The following UGGT1 variants were observed in gnomAD, a reference collection of about 807,000 sequenced individuals.
UGGT1 encodes the protein UDP-glucose:glycoprotein glucosyltransferase 1.
In UGGT1, 107 loss-of-function variants were observed where a neutral mutation model predicts 203.9. That is an observed-to-expected ratio of 0.52 (90% confidence interval 0.45 to 0.62). UGGT1 has a LOEUF of 0.62. Ranked by LOEUF, UGGT1 falls within the 20% of genes least tolerant of loss-of-function variation. UGGT1 has a pLI of 0.00. For synonymous variants in UGGT1, 628 were observed against 653.5 expected (o/e 0.96, Z 0.59); for missense variants, 1,673 against 1,867.2 (o/e 0.90, Z 1.92).
At chr2:128,112,864 T>G (rs1477172547) in intron 5 of UGGT1, among the ~76,000 whole-genome samples, 1 of 152,140 alleles carries the variant, frequency 6.6e-6, no homozygotes, top group Non-Finnish European at 1.5e-5. Flanking sequence ...ATAGTTAGTA[T>G]TTTTTATAAT....
chr2:128,183,604 A>G (rs1004575655), intron 37 of UGGT1, 71 bp from the exon 38 acceptor site: 4 of 1,148,620 alleles, frequency 3.5e-6, no homozygotes, highest in Admixed American at 1.9e-5. Flanking sequence ...GGCCTGTTCC[A>G]TTATTCATTG....
intron 18 of UGGT1, among the ~76,000 whole-genome samples, chr2:128,149,940 C>T (rs1384592252): frequency 3.9e-5 from 6 of 152,168 alleles, no homozygotes; most frequent in South Asian, 2.1e-4. Context: ...CCAGCCTGGG[C>T]GACAAGAGTG....
At chr2:128,121,550 C>G (rs921791850) in intron 10 of UGGT1, among the ~76,000 whole-genome samples, 2 of 151,942 alleles carry the variant, frequency 1.3e-5, no homozygotes, top group African/African-American at 2.4e-5. Flanking sequence ...GTACTACAGA[C>G]GTGCGTCACC....
intron 1 of UGGT1, among the ~76,000 whole-genome samples, chr2:128,094,736 C>CTTTTTTTTTTTTT (rs70988604): frequency 2.4e-5 from 2 of 84,636 alleles, no homozygotes; most frequent in African/African-American, 5.7e-5. Context: ...TAAGAGAATG[C>CTTTTTTTTTTTTT]TTTTTTTTTT....
At chr2:128,123,699 A>C (rs1036936577) in intron 11 of UGGT1, among the ~76,000 whole-genome samples, 3 of 152,044 alleles carry the variant, frequency 2.0e-5, no homozygotes, top group Non-Finnish European at 4.4e-5. Context: ...CCATCTTCTC[A>C]ATATTGGATG....
intron 37 of UGGT1, among the ~76,000 whole-genome samples, chr2:128,183,299 T>C (rs1691801900): frequency 6.6e-6 from 1 of 152,224 alleles, no homozygotes; most frequent in African/African-American, 2.4e-5. Flanking sequence ...AAAAGAACTG[T>C]AAGGACTGTA....
intron 18 of UGGT1, 85 bp downstream of exon 18, chr2:128,146,052 T>G: frequency 6.6e-7 from 1 of 1,521,972 alleles, no homozygotes; most frequent in South Asian, 1.2e-5. Flanking sequence ...GTAAAATTCT[T>G]AGTATCACTA....
At chr2:128,171,392 A>G (rs1045243748) in intron 28 of UGGT1, 108 bp downstream of exon 28, 1 of 1,032,824 alleles carries the variant, frequency 9.7e-7, no homozygotes, top group Admixed American at 2.8e-5. Context: ...TCATGTTTGA[A>G]ATGGTCATTT....
At chr2:128,108,206 A>G (rs1029306087) in intron 4 of UGGT1, 138 bp downstream of exon 4, 1 of 1,144,034 alleles carries the variant, frequency 8.7e-7, no homozygotes, top group East Asian at 2.5e-5. Context: ...ATGATTTTTA[A>G]AAAAAATAAT....
chr2:128,174,942 G>A lies in UGGT1; in HGVS notation c.3539+84G>A, dbSNP rs192342276. On this transcript the variant is annotated intron_variant, in intron 31 of 40. Coordinates refer to ENST00000259253, the MANE Select transcript of UGGT1 (RefSeq NM_020120.4). The stretch of plus-strand genomic sequence containing the variant: ...TAATTGAATACTACCCTGGCAGTTA[G>A]CCAGGCAACATGAATTTAATTTGCA... The A allele has an allele frequency of 3.4e-6, 4 of 1,174,134 alleles. No homozygotes were observed. In the East Asian group the frequency reaches 9.8e-5, roughly 29 times the overall value. 72.7% of individuals were successfully genotyped at this position (1,174,134 alleles called of 1,614,324 possible). A position where few individuals can be genotyped will look rare whatever the true frequency, so the allele number is the denominator to read the frequency against.
intron 16 of UGGT1, among the ~76,000 whole-genome samples, chr2:128,141,144 T>G (rs1689403080): frequency 6.6e-6 from 1 of 151,214 alleles, no homozygotes. Context: ...GCCAACATGG[T>G]GAAACCCCGT....
chr2:128,170,331 G>A lies in UGGT1; in HGVS notation c.2965G>A (p.Val989Ile), dbSNP rs143954343. 9.3e-5 allele frequency: 150 copies of A among 1,614,136 alleles called. No homozygotes were observed. Among genetic ancestry groups the A allele is most frequent in the Non-Finnish European group, 1.2e-4 (144 of 1,180,050 alleles). The change falls in exon 27 of 41, where the codon GTT (valine) becomes ATT (isoleucine). Residue 989 changes from valine (V) to isoleucine (I), a missense_variant. Physicochemically the swap from Val to Ile is conservative, Grantham distance 29 (BLOSUM62 3). Coordinates refer to ENST00000259253, the MANE Select transcript of UGGT1 (RefSeq NM_020120.4). ...RPKEGETYFDVVAVVDPVTRE... is the reference protein window; with the variant it reads ...RPKEGETYFDIVAVVDPVTRE... ...GAAGGAAGGGGAGACATACTTTGAT[G>A]TTGTGGCTGTCGTTGACCCTGTCAC...
intron 26 of UGGT1, 107 bp downstream of exon 26, chr2:128,164,932 T>TA (rs1380125526): frequency 3.7e-6 from 3 of 802,230 alleles, no homozygotes; most frequent in African/African-American, 1.8e-5. Context: ...TATAAGTTCT[T>TA]ACAGGAATTG....
chr2:128,143,107 T>C lies in UGGT1; in HGVS notation c.1733T>C (p.Val578Ala). Residue 578 changes from valine (V) to alanine (A), a missense_variant, in exon 17 of 41, where the codon GTG becomes GCG. Coordinates refer to ENST00000259253, the MANE Select transcript of UGGT1 (RefSeq NM_020120.4). ...FQTLTHIYNK[V>A]RTGEKVKVEH... ...TTCTTTCTTCAGATCTATAACAAGG[T>C]GAGGACTGGAGAAAAAGTGAAAGTT... 1 of 1,607,670 alleles carries C rather than the reference T, an allele frequency of 6.2e-7. No individual in the cohort carries two copies. Among genetic ancestry groups the C allele is most frequent in the Non-Finnish European group, 8.5e-7 (1 of 1,177,014 alleles).
intron 38 of UGGT1, among the ~76,000 whole-genome samples, chr2:128,185,339 T>A (rs1266095510): frequency 6.6e-6 from 1 of 150,462 alleles, no homozygotes; most frequent in Non-Finnish European, 1.5e-5. Context: ...AGCTAATTTT[T>A]CTGTATTTTT....
intron 26 of UGGT1, among the ~76,000 whole-genome samples, chr2:128,167,177 T>C (rs1196187931): frequency 6.6e-6 from 1 of 152,198 alleles, no homozygotes; most frequent in Non-Finnish European, 1.5e-5. Context: ...CTAATCAACC[T>C]GCCATCTTGT....
At chr2:128,134,568 AT>A (rs1370970000) in intron 14 of UGGT1, among the ~76,000 whole-genome samples, 1 of 152,186 alleles carries the variant, frequency 6.6e-6, no homozygotes, top group East Asian at 1.9e-4. Flanking sequence ...GGCAGGCTCC[AT>A]TTTTTAAGGT....
intron 16 of UGGT1, chr2:128,139,961 CTGCT>C (rs1689326658): frequency 6.5e-6 from 1 of 153,658 alleles, no homozygotes; most frequent in Non-Finnish European, 1.5e-5. Flanking sequence ...ACTACCGTGT[CTGCT>C]TGATGAGGTC....
chr2:128,103,086 G>T (rs539348710), intron 2 of UGGT1: 1 of 471,114 alleles, frequency 2.1e-6, no homozygotes, highest in South Asian at 1.5e-5. Flanking sequence ...TAGCTGTGGA[G>T]TAGAGTGAGA....
Sources: gnomAD v4.1 joint callset for allele counts (sites outside exome capture counted in the v4.1 genomes callset) on GRCh38, gnomAD v4.1.1 for gene constraint, MANE v1.5 for transcripts, NCBI Gene and HGNC (gene_info 2026-07-23, HGNC 2026-07-21) for gene names.